SH3RF1: variants seen among roughly 807,000 people sequenced by gnomAD.
SH3RF1 encodes E3 ubiquitin-protein ligase SH3RF1.
SH3RF1 carries 32 observed loss-of-function variants against 74.0 expected under a neutral mutation model. That is an observed-to-expected ratio of 0.43 (90% CI 0.33 to 0.58). The LOEUF (loss-of-function observed/expected upper bound fraction) is 0.58, where lower values mean the gene tolerates loss of function less well. Ranked by LOEUF, SH3RF1 falls within the 20% of genes least tolerant of loss-of-function variation. The pLI is 0.05. For synonymous variants in SH3RF1, 396 were observed against 439.6 expected (o/e 0.90, Z 1.24); for missense variants, 954 against 1,130.9 (o/e 0.84, Z 2.24).
intron 11 of SH3RF1, among the ~76,000 whole-genome samples, chr4:169,097,148 T>C (rs1049236711): frequency 2.0e-5 from 3 of 152,178 alleles, no homozygotes; most frequent in Admixed American, 6.5e-5. Flanking sequence ...GAGGCTCTGC[T>C]CCACCTCTAT....
intron 2 of SH3RF1, among the ~76,000 whole-genome samples, chr4:169,258,808 G>T (rs1466985531): frequency 6.6e-6 from 1 of 151,982 alleles, no homozygotes; most frequent in African/African-American, 2.4e-5. Flanking sequence ...GTTTTTTAAG[G>T]ATATTTAAAA....
At chr4:169,099,505 T>C (rs1456886408) in intron 11 of SH3RF1, among the ~76,000 whole-genome samples, 1 of 152,136 alleles carries the variant, frequency 6.6e-6, no homozygotes, top group Non-Finnish European at 1.5e-5. Flanking sequence ...GAAAAAGCAA[T>C]GATGTAGTTG....
At chr4:169,235,602 T>A (rs1285175185) in intron 2 of SH3RF1, among the ~76,000 whole-genome samples, 1 of 152,252 alleles carries the variant, frequency 6.6e-6, no homozygotes, top group South Asian at 2.1e-4. Context: ...TTCCGTGTTA[T>A]GCTACATTGC....
chr4:169,144,403 T>A lies in SH3RF1; in HGVS notation c.766-7783A>T, dbSNP rs576468158. ...TATTCAATAGGCAAAGACTTCTGTG[T>A]TGGGAATAGGGTCCTCAGGTATTCA... On this transcript the variant is annotated intron_variant, in intron 4 of 11. Coordinates refer to ENST00000284637, the MANE Select transcript of SH3RF1 (RefSeq NM_020870.4). Among the ~76,000 whole-genome samples the A allele has an allele frequency of 2.0e-5, 3 of 152,168 alleles. 1 individual carries two copies. The highest frequency in any genetic ancestry group is 7.2e-5 in the African/African-American group (3 of 41,448).
intron 2 of SH3RF1, among the ~76,000 whole-genome samples, chr4:169,179,444 T>G (rs1483606100): frequency 6.6e-6 from 1 of 152,202 alleles, no homozygotes; most frequent in East Asian, 1.9e-4. Context: ...GAATTTGTTG[T>G]AATCTGTTAC....
At position 169,151,221 on chromosome 4, in the gene SH3RF1, G is replaced by A. The variant is rs576403069; in HGVS notation, c.765+4259C>T. Among the ~76,000 whole-genome samples the A allele has an allele frequency of 1.2e-3, 190 of 152,262 alleles. 3 individuals are homozygous for A. The highest frequency in any genetic ancestry group is 4.4e-3 in the African/African-American group (181 of 41,554). ...GCCCTTGGGAGTTTGAATTCTAATG[G>A]GGAAATGGAGGGTGAGGGGTCAGCT... On this transcript the variant is annotated intron_variant, in intron 4 of 11. Coordinates refer to ENST00000284637, the MANE Select transcript of SH3RF1 (RefSeq NM_020870.4).
chr4:169,178,278 TTTTAAATAAGCAACTATG>T (rs1734453557), intron 2 of SH3RF1, among the ~76,000 whole-genome samples: 1 of 49,220 alleles, frequency 2.0e-5, no homozygotes, highest in Non-Finnish European at 4.9e-5. Flanking sequence ...AAAAATTTTT[TTTTAAATAAGCAACTATG>T]CTTATTTAAA....
chr4:169,113,084 G>GGAAA (rs1025036548), intron 10 of SH3RF1, among the ~76,000 whole-genome samples: 6 of 151,904 alleles, frequency 3.9e-5, no homozygotes, highest in Admixed American at 1.3e-4. Flanking sequence ...GAACAGGCAA[G>GGAAA]GAAAGGCATG....
intron 2 of SH3RF1, among the ~76,000 whole-genome samples, chr4:169,222,428 A>G (rs148385326): frequency 0.022 from 3,280 of 151,768 alleles, 57 homozygotes; most frequent in Non-Finnish European, 0.036. Context: ...TTGCACCACT[A>G]CACTCCAGCC....
intron 4 of SH3RF1, among the ~76,000 whole-genome samples, chr4:169,141,815 T>C (rs918908537): frequency 6.8e-5 from 10 of 147,550 alleles, no homozygotes; most frequent in African/African-American, 2.5e-4. Context: ...ATTTTTGCTT[T>C]TTTTTTTTTT....
At chr4:169,120,077 A>G (rs1037688357) in intron 8 of SH3RF1, among the ~76,000 whole-genome samples, 11 of 152,190 alleles carry the variant, frequency 7.2e-5, no homozygotes, top group African/African-American at 2.7e-4. Context: ...AGGCTGTCCT[A>G]TGCATAGGAT....
intron 2 of SH3RF1, among the ~76,000 whole-genome samples, chr4:169,190,893 A>T (rs1278903667): frequency 1.3e-5 from 2 of 152,222 alleles, no homozygotes; most frequent in African/African-American, 4.8e-5. Context: ...TGGGTTTCAT[A>T]AAAGGGATGC....
intron 4 of SH3RF1, among the ~76,000 whole-genome samples, chr4:169,144,928 G>A (rs1013555709): frequency 1.3e-5 from 2 of 152,084 alleles, no homozygotes; most frequent in East Asian, 1.9e-4. Flanking sequence ...GGGGTAAGAG[G>A]AAAAGCAAAA....
At chr4:169,160,554 A>C (rs1456935849) in intron 2 of SH3RF1, among the ~76,000 whole-genome samples, 1 of 152,230 alleles carries the variant, frequency 6.6e-6, no homozygotes, top group Non-Finnish European at 1.5e-5. Context: ...AATGATCAAT[A>C]ACCACAAAGA....
intron 4 of SH3RF1, among the ~76,000 whole-genome samples, chr4:169,149,299 G>A (rs114853701): frequency 6.6e-6 from 1 of 152,128 alleles, no homozygotes; most frequent in South Asian, 2.1e-4. Context: ...GCCGTTCCTG[G>A]AGCTCAGAGG....
At chr4:169,235,024 T>C (rs1312665092) in intron 2 of SH3RF1, among the ~76,000 whole-genome samples, 2 of 152,024 alleles carry the variant, frequency 1.3e-5, no homozygotes, top group Non-Finnish European at 2.9e-5. Flanking sequence ...TTTTAGAGGG[T>C]TTTTTTAAAA....
chr4:169,130,021 T>C (rs376038683), intron 6 of SH3RF1, 25 bp downstream of exon 6: 166 of 1,589,550 alleles, frequency 1.0e-4, no homozygotes, highest in Non-Finnish European at 1.2e-4. Context: ...AAAAGAGAAA[T>C]AAAAATGGGA....
intron 11 of SH3RF1, among the ~76,000 whole-genome samples, chr4:169,102,118 C>G (rs987203262): frequency 6.6e-6 from 1 of 152,154 alleles, no homozygotes; most frequent in African/African-American, 2.4e-5. Flanking sequence ...ATCACTCTGA[C>G]CTGGGTGAGT....
chr4:169,112,702 T>C (rs537548355), intron 10 of SH3RF1, among the ~76,000 whole-genome samples: 9 of 152,128 alleles, frequency 5.9e-5, no homozygotes, highest in African/African-American at 2.2e-4. Flanking sequence ...ACAAAGAACA[T>C]AACGTGGCCC....
Sources: gnomAD v4.1 joint callset for allele counts (sites outside exome capture counted in the v4.1 genomes callset) on GRCh38, gnomAD v4.1.1 for gene constraint, MANE v1.5 for transcripts, NCBI Gene and HGNC (gene_info 2026-07-23, HGNC 2026-07-21) for gene names.